The following PRKCI variants were observed in gnomAD, a reference collection of about 807,000 sequenced individuals.
The protein encoded by PRKCI is protein kinase C iota, also known as protein kinase C iota type.
A neutral mutation model predicts 84.0 loss-of-function variants in PRKCI; 43 were observed. That is an observed-to-expected ratio of 0.51 (90% CI 0.40 to 0.66). PRKCI has a LOEUF of 0.66. Ranked by LOEUF, PRKCI falls within the 30% of genes least tolerant of loss-of-function variation. PRKCI has a pLI of 0.00. For missense variants in PRKCI, 459 were observed against 745.6 expected (o/e 0.62, Z 4.48); for synonymous variants, 216 against 234.4 (o/e 0.92, Z 0.72).
In PRKCI at chr3:170,246,396, G is replaced by A. The variant is rs139857961; in HGVS notation, c.223+11045G>A. 6.6e-4 allele frequency among the ~76,000 whole-genome samples: 101 copies of A among 151,984 alleles called. 1 individual carries two copies. Among genetic ancestry groups the A allele is most frequent in the South Asian group, 3.1e-3 (15 of 4,818 alleles). ...TTGAACTCCTGACCTCAAGTGATCC[G>A]CCCGCCTCGGCCTCCTAAAGTGCTG... On this transcript the variant is annotated intron_variant, in intron 2 of 17. Transcript: ENST00000295797.
At chr3:170,242,263 T>A (rs943235896) in intron 2 of PRKCI, among the ~76,000 whole-genome samples, 2 of 151,822 alleles carry the variant, frequency 1.3e-5, no homozygotes, top group African/African-American at 4.8e-5. Flanking sequence ...GTATTATGGC[T>A]CCAAAGCTGA....
intron 7 of PRKCI, among the ~76,000 whole-genome samples, chr3:170,274,462 A>C (rs1016234335): frequency 2.6e-5 from 4 of 152,146 alleles, no homozygotes; most frequent in African/African-American, 7.2e-5. Context: ...TAAAAGCTTT[A>C]TTATCAGAAG....
At chr3:170,295,687 A>AG (rs1450840720) in intron 14 of PRKCI, among the ~76,000 whole-genome samples, 1 of 151,714 alleles carries the variant, frequency 6.6e-6, no homozygotes, top group East Asian at 1.9e-4. Flanking sequence ...AAAAAAAAAA[A>AG]AAAAAAAATT....
At chr3:170,225,050 T>TA (rs1362312083) in intron 1 of PRKCI, among the ~76,000 whole-genome samples, 1 of 152,180 alleles carries the variant, frequency 6.6e-6, no homozygotes, top group African/African-American at 2.4e-5. Flanking sequence ...CTCCAGTTAT[T>TA]AAAAAGAAGA....
chr3:170,290,496 T>C (rs112368295), intron 12 of PRKCI, among the ~76,000 whole-genome samples: 4,078 of 151,956 alleles, frequency 0.027, 144 homozygotes, highest in South Asian at 0.12. Context: ...CACACACATA[T>C]AGACGTACAT....
At chr3:170,288,569 T>C (rs1734459918) in intron 12 of PRKCI, among the ~76,000 whole-genome samples, 2 of 151,854 alleles carry the variant, frequency 1.3e-5, no homozygotes, top group Admixed American at 1.3e-4. Context: ...GCCAACATGG[T>C]GAAAACCCAT....
intron 8 of PRKCI, among the ~76,000 whole-genome samples, chr3:170,277,947 T>A (rs1560180472): frequency 6.6e-6 from 1 of 152,210 alleles, no homozygotes; most frequent in Non-Finnish European, 1.5e-5. Context: ...GATCATGCAT[T>A]TTCTCCTTCA....
chr3:170,299,715 G>A (rs1734776715), intron 17 of PRKCI, among the ~76,000 whole-genome samples: 1 of 152,212 alleles, frequency 6.6e-6, no homozygotes, highest in African/African-American at 2.4e-5. Flanking sequence ...GAGAGGTTAA[G>A]CAAAGTTACA....
At chr3:170,231,212 C>T (rs982213141) in intron 1 of PRKCI, among the ~76,000 whole-genome samples, 3 of 151,736 alleles carry the variant, frequency 2.0e-5, no homozygotes, top group African/African-American at 4.8e-5. Flanking sequence ...CCATCTGCCT[C>T]GGCCTCCCGG....
In PRKCI at chr3:170,296,008, G is replaced by C. The variant is rs566774025; in HGVS notation, c.1497+18G>C. ...TTAATAAGGTATAAATTGTGTATAA[G>C]AATATTTTGTGATTTGTCTCTTTCT... is the stretch of plus-strand genomic sequence containing the variant. On this transcript the variant is annotated intron_variant, in intron 15 of 17. Coordinates refer to ENST00000295797, the MANE Select transcript of PRKCI (RefSeq NM_002740.6). 159 of 1,404,598 alleles carry C rather than the reference G, an allele frequency of 1.1e-4. No homozygotes were observed. The highest frequency in any genetic ancestry group is 1.5e-4 in the Non-Finnish European group (150 of 1,033,918). The allele number at this position is 1,404,598 out of a possible 1,614,324, so 87.0% of individuals were successfully genotyped here. A position where few individuals can be genotyped will look rare whatever the true frequency, so the allele number is the denominator to read the frequency against.
chr3:170,283,726 G>T (rs1286690114), intron 11 of PRKCI, among the ~76,000 whole-genome samples: 1 of 152,130 alleles, frequency 6.6e-6, no homozygotes, highest in Non-Finnish European at 1.5e-5. Flanking sequence ...AAGAACTAAA[G>T]CCCAGGACAA....
chr3:170,295,991 G>T lies in PRKCI; in HGVS notation c.1497+1G>T. 4 of 1,488,030 alleles carry T rather than the reference G, an allele frequency of 2.7e-6. No individual in the cohort carries two copies. The highest frequency in any genetic ancestry group is 3.7e-6 in the Non-Finnish European group (4 of 1,094,144). The allele number at this position is 1,488,030 out of a possible 1,614,324, so 92.2% of individuals were successfully genotyped here. ...TGTTCTGAAGAGTTTTCTTAATAAGGTATAAATTGTGTATAAGAATATTTT... is the reference window on the plus strand; with the variant it reads ...TGTTCTGAAGAGTTTTCTTAATAAGTTATAAATTGTGTATAAGAATATTTT... On this transcript the variant is annotated splice_donor_variant, in intron 15 of 17. Coordinates refer to ENST00000295797, the MANE Select transcript of PRKCI (RefSeq NM_002740.6). LOFTEE classifies it high-confidence loss of function.
chr3:170,260,951 CTT>C (rs999045513), intron 3 of PRKCI, among the ~76,000 whole-genome samples: 3 of 151,192 alleles, frequency 2.0e-5, no homozygotes, highest in Admixed American at 2.0e-4. Context: ...TCATGTAAAA[CTT>C]TTTTTTTGTT....
At chr3:170,233,236 T>TTTTTTTTTTTTTTG in intron 1 of PRKCI, among the ~76,000 whole-genome samples, 1 of 150,336 alleles carries the variant, frequency 6.7e-6, no homozygotes, top group Admixed American at 6.7e-5. Context: ...GGTTTATTTT[T>TTTTTTTTTTTTTTG]AAAAGCAATT....
intron 12 of PRKCI, among the ~76,000 whole-genome samples, chr3:170,285,962 T>C (rs1303499927): frequency 6.6e-6 from 1 of 151,598 alleles, no homozygotes; most frequent in East Asian, 1.9e-4. Flanking sequence ...TTTGCTCTTA[T>C]TGCCCAGGCT....
intron 2 of PRKCI, among the ~76,000 whole-genome samples, chr3:170,253,540 C>T (rs763804123): frequency 6.6e-5 from 10 of 152,164 alleles, no homozygotes; most frequent in Non-Finnish European, 1.0e-4. Context: ...GCCTGTAATC[C>T]CAGCACTTTG....
rs750366555 is a variant in PRKCI, at chr3:170,287,908, CAAAAAAA to C, written c.1203+3328_1203+3334del. On this transcript the variant is annotated intron_variant, in intron 12 of 17. Coordinates refer to ENST00000295797, the MANE Select transcript of PRKCI (RefSeq NM_002740.6). ...TGGGTGACAAAGTGAGACTCTGTCT[CAAAAAAA>C]AAAAAAAAAAAAAAAGAAAATCACA... 7.8e-3 allele frequency among the ~76,000 whole-genome samples: 392 copies of C among 50,552 alleles called. 1 individual carries two copies. Among genetic ancestry groups the C allele is most frequent in the African/African-American group, 0.023 (327 of 14,338 alleles). The allele number at this position is 50,552 out of a possible 152,430, so 33.2% of individuals were successfully genotyped here.
chr3:170,282,752 C>A (rs748989237), intron 11 of PRKCI, among the ~76,000 whole-genome samples: 66 of 150,906 alleles, frequency 4.4e-4, no homozygotes, highest in Non-Finnish European at 8.4e-4. Flanking sequence ...ACTGTTCTTC[C>A]TGTGATTTAT....
chr3:170,271,125 G>A lies in PRKCI; in HGVS notation c.591+564G>A, dbSNP rs1042090619. Among the ~76,000 whole-genome samples the A allele has an allele frequency of 2.0e-5, 3 of 152,166 alleles. No homozygotes were observed. In the East Asian group the frequency reaches 5.8e-4, roughly 29 times the overall value. On this transcript the variant is annotated intron_variant, in intron 6 of 17. Coordinates refer to ENST00000295797, the MANE Select transcript of PRKCI (RefSeq NM_002740.6). ...ACCATGTAAAGGTAATTGTCATTTG[G>A]TGGATATCCTTCCAGAACTTTTCCT...
Sources: allele counts gnomAD v4.1 joint callset (sites outside exome capture counted in the v4.1 genomes callset), GRCh38; gene constraint gnomAD v4.1.1; transcripts MANE v1.5; gene names NCBI Gene and HGNC (gene_info 2026-07-23, HGNC 2026-07-21).